FKBP6: variants seen among roughly 807,000 people sequenced by gnomAD.
FKBP6 encodes the protein inactive peptidyl-prolyl cis-trans isomerase FKBP6.
FKBP6 carries 29 observed loss-of-function variants against 41.7 expected under a neutral mutation model. The observed-to-expected ratio is 0.70, with a 90% CI of 0.52 to 0.95. FKBP6 has a LOEUF of 0.95. Ranked by LOEUF, FKBP6 falls within the 40% of genes least tolerant of loss-of-function variation. The pLI, the probability that FKBP6 is intolerant of heterozygous loss-of-function variation, is 0.00. For missense variants in FKBP6, 338 were observed against 408.7 expected, an observed-to-expected ratio of 0.83 and a Z score of 1.49; for synonymous variants, 130 against 165.1, an observed-to-expected ratio of 0.79 and a Z score of 1.63.
Position 73,328,203 on chromosome 7 carries a change from T to A in FKBP6, c.-226T>A, listed in dbSNP as rs1804693031. ...CCCATTACGGATCATACCTCGCACC[T>A]CACCGCGTGGCCTCTGTAGTTCCAG... is the stretch of plus-strand genomic sequence containing the variant. On this transcript the variant is annotated 5_prime_UTR_variant, in exon 1 of 9. Coordinates refer to ENST00000252037, the MANE Select transcript of FKBP6 (RefSeq NM_003602.5). 2 of 1,548,604 alleles carry A rather than the reference T, an allele frequency of 1.3e-6. No individual in the cohort carries two copies. Among genetic ancestry groups the A allele is most frequent in the Non-Finnish European group, 1.7e-6 (2 of 1,146,286 alleles).
intron 2 of FKBP6, among the ~76,000 whole-genome samples, chr7:73,329,124 C>T (rs560616857): frequency 9.2e-5 from 14 of 152,138 alleles, no homozygotes; most frequent in Admixed American, 2.0e-4. Flanking sequence ...TTTTTTAAGA[C>T]GAAAGCTAGG....
intron 2 of FKBP6, 109 bp downstream of exon 2, chr7:73,328,801 G>A: frequency 6.3e-7 from 1 of 1,596,298 alleles, no homozygotes; most frequent in African/African-American, 1.3e-5. Context: ...TGCTTTGTTT[G>A]AAGTGGATTT....
At chr7:73,349,045 C>T (rs1469503193) in intron 8 of FKBP6, among the ~76,000 whole-genome samples, 1 of 151,858 alleles carries the variant, frequency 6.6e-6, no homozygotes, top group Non-Finnish European at 1.5e-5. Flanking sequence ...GTCAAGGCTG[C>T]AGTGAACCCA....
At chr7:73,342,072 G>T (rs1365997731) in intron 7 of FKBP6, among the ~76,000 whole-genome samples, 1 of 151,738 alleles carries the variant, frequency 6.6e-6, no homozygotes, top group Non-Finnish European at 1.5e-5. Flanking sequence ...GTCCTCATGT[G>T]ACCAGAAACA....
intron 8 of FKBP6, among the ~76,000 whole-genome samples, chr7:73,351,872 G>C (rs1805500169): frequency 6.6e-6 from 1 of 152,194 alleles, no homozygotes; most frequent in South Asian, 2.1e-4. Flanking sequence ...TTGAAAGACA[G>C]AACATTTGGA....
At chr7:73,332,222 TC>T (rs1804868189) in intron 5 of FKBP6, among the ~76,000 whole-genome samples, 1 of 152,080 alleles carries the variant, frequency 6.6e-6, no homozygotes, top group East Asian at 1.9e-4. Flanking sequence ...AAGAAAAATC[TC>T]ATTTAAAAAA....
chr7:73,336,278 G>A (rs905615962), intron 5 of FKBP6, among the ~76,000 whole-genome samples: 5 of 152,032 alleles, frequency 3.3e-5, no homozygotes, highest in Admixed American at 1.3e-4. Context: ...ATAAATTCTC[G>A]GCAGGAAAAA....
At chr7:73,335,643 A>T (rs1184823253) in intron 5 of FKBP6, among the ~76,000 whole-genome samples, 1 of 151,494 alleles carries the variant, frequency 6.6e-6, no homozygotes, top group African/African-American at 2.4e-5. Flanking sequence ...ATTTGACCTG[A>T]CCTCCTTTAT....
In FKBP6 at chr7:73,336,486, T is replaced by C. The variant is rs553450568; in HGVS notation, c.589-4152T>C. 2.7e-4 allele frequency among the ~76,000 whole-genome samples: 41 copies of C among 152,246 alleles called. 1 individual carries two copies. In the South Asian group the frequency reaches 8.3e-3, roughly 31 times the overall value. ...AGGAAGAGTGTGTTGATAAAAGTCA[T>C]ATTCGGGGAAGAGGCAGTAGTTGTG... On this transcript the variant is annotated intron_variant, in intron 5 of 8. Coordinates refer to ENST00000252037, the MANE Select transcript of FKBP6 (RefSeq NM_003602.5).
rs782470191 is a variant in FKBP6 at position 73,328,697 on chromosome 7, G to A, written c.175+5G>A. The A allele has an allele frequency of 6.8e-6, 11 of 1,611,992 alleles. No homozygotes were observed. The highest frequency in any genetic ancestry group is 9.3e-6 in the Non-Finnish European group (11 of 1,179,844). On this transcript the variant is annotated splice_donor_5th_base_variant and intron_variant, in intron 2 of 8. Transcript: ENST00000252037. ...CGCCTGATGCTTCGGTGCTAGGTAC[G>A]CCCTGGGGCGGTTTGTCCTCAGGAT...
At chr7:73,353,432 T>C (rs1554551406) in intron 8 of FKBP6, among the ~76,000 whole-genome samples, 3 of 152,228 alleles carry the variant, frequency 2.0e-5, no homozygotes, top group Non-Finnish European at 4.4e-5. Context: ...CTCTGCATCC[T>C]CAGCATTCTC....
Position 73,328,286 on chromosome 7 carries a change from C to G in FKBP6, c.-143C>G. The G allele has an allele frequency of 1.3e-6, 2 of 1,549,106 alleles. No individual in the cohort carries two copies. Among genetic ancestry groups the G allele is most frequent in the Non-Finnish European group, 1.7e-6 (2 of 1,146,528 alleles). Reference sequence around the variant, plus strand: ...TGGAACGAAACGATGAGTGCCTCCTCGTGGCCCCAGAATGGAATGCCGCCG... The same window carrying G: ...TGGAACGAAACGATGAGTGCCTCCTGGTGGCCCCAGAATGGAATGCCGCCG... On this transcript the variant is annotated 5_prime_UTR_variant, in exon 1 of 9. Coordinates refer to ENST00000252037, the MANE Select transcript of FKBP6 (RefSeq NM_003602.5).
At chr7:73,343,900 G>A (rs1274196814) in intron 8 of FKBP6, among the ~76,000 whole-genome samples, 2 of 152,164 alleles carry the variant, frequency 1.3e-5, no homozygotes, top group Non-Finnish European at 2.9e-5. Flanking sequence ...CCTACAAAAG[G>A]GGCTTGAGAG....
chr7:73,351,875 C>A (rs190546376), intron 8 of FKBP6, among the ~76,000 whole-genome samples: 110 of 152,312 alleles, frequency 7.2e-4, no homozygotes, highest in Admixed American at 4.3e-3. Context: ...AAAGACAGAA[C>A]ATTTGGATCC....
rs1554546722 is a variant in FKBP6 at position 73,328,469 on chromosome 7, A to G, written c.41A>G (p.Asp14Gly). 1.3e-6 allele frequency: 2 copies of G among 1,552,172 alleles called. No homozygotes were observed. The highest frequency in any genetic ancestry group is 2.3e-5 in the South Asian group (2 of 85,204). Residue 14 changes from aspartate (D) to glycine (G), a missense_variant, in exon 1 of 9, where the codon GAC becomes GGC. Asp to Gly is a moderately conservative substitution (Grantham distance 94). Around this residue, in one of 2 missense-constraint regions of FKBP6, gnomAD observed 99 missense variants for 158.6 expected, o/e 0.62. Transcript: ENST00000252037. ...SALNQGVLEG[D>G]DAPGQSLYER... ...TTAAACCAGGGAGTCCTGGAAGGGGACGACGCCCCCGGCCAGGTGAGGGCC... is the reference window on the plus strand; with the variant it reads ...TTAAACCAGGGAGTCCTGGAAGGGGGCGACGCCCCCGGCCAGGTGAGGGCC...
intron 5 of FKBP6, among the ~76,000 whole-genome samples, chr7:73,335,307 C>T (rs1563313596): frequency 6.6e-6 from 1 of 152,120 alleles, no homozygotes; most frequent in Non-Finnish European, 1.5e-5. Flanking sequence ...CTTGGTGGGG[C>T]AGGTTGCAGT....
intron 5 of FKBP6, among the ~76,000 whole-genome samples, chr7:73,333,423 A>T (rs1391789925): frequency 6.6e-6 from 1 of 152,220 alleles, no homozygotes; most frequent in African/African-American, 2.4e-5. Flanking sequence ...TGTACTAATT[A>T]AAAAACTACA....
At chr7:73,352,064 C>T (rs1179941064) in intron 8 of FKBP6, among the ~76,000 whole-genome samples, 1 of 152,158 alleles carries the variant, frequency 6.6e-6, no homozygotes, top group Non-Finnish European at 1.5e-5. Context: ...CTCCTGGGCT[C>T]AGGCAGTCCT....
intron 3 of FKBP6, among the ~76,000 whole-genome samples, 162 bp from the exon 4 acceptor site, chr7:73,329,988 A>T (rs1361590054): frequency 6.6e-6 from 1 of 152,214 alleles, no homozygotes; most frequent in Admixed American, 6.5e-5. Flanking sequence ...TTATATCAGT[A>T]GAAGCTGGGC....
Sources: allele counts gnomAD v4.1 joint callset (sites outside exome capture counted in the v4.1 genomes callset), GRCh38; gene constraint gnomAD v4.1.1; regional missense constraint gnomAD v4.1.1; transcripts MANE v1.5; gene names NCBI Gene and HGNC (gene_info 2026-07-23, HGNC 2026-07-21).